KIAA0513: variants seen among roughly 807,000 people sequenced by gnomAD.
The protein encoded by KIAA0513 is uncharacterized protein KIAA0513.
In KIAA0513, 39 loss-of-function variants were observed where a neutral mutation model predicts 56.5. That is an observed-to-expected ratio of 0.69 (90% CI 0.53 to 0.90). The LOEUF is 0.90. Among genes scored for constraint, KIAA0513 ranks in the 40% least tolerant of loss-of-function variants. The pLI, the probability that KIAA0513 is intolerant of heterozygous loss-of-function variation, is 0.00. For missense variants in KIAA0513, 591 were observed against 535.2 expected (o/e 1.10, Z -1.03); for synonymous variants, 268 against 215.6 (o/e 1.24, Z -2.13).
intron 1 of KIAA0513, among the ~76,000 whole-genome samples, chr16:85,056,619 C>T (rs1031520993): frequency 6.6e-6 from 1 of 152,166 alleles, no homozygotes; most frequent in Admixed American, 6.5e-5. Context: ...TCTTGCATTC[C>T]TCCGGGCCGC....
chr16:85,055,276 T>C (rs536070438), intron 1 of KIAA0513, among the ~76,000 whole-genome samples: 34 of 151,900 alleles, frequency 2.2e-4, no homozygotes, highest in Non-Finnish European at 4.4e-4. Context: ...AGAAAAGGAG[T>C]GTCCACTCTT....
chr16:85,083,332 CTT>C (rs1399871261), intron 10 of KIAA0513, among the ~76,000 whole-genome samples: 1 of 152,122 alleles, frequency 6.6e-6, no homozygotes, highest in Non-Finnish European at 1.5e-5. Flanking sequence ...GACGATGGCT[CTT>C]TTGTTGGAGG....
intron 1 of KIAA0513, among the ~76,000 whole-genome samples, chr16:85,044,772 C>T (rs1454587678): frequency 3.3e-5 from 5 of 151,900 alleles, no homozygotes; most frequent in Non-Finnish European, 7.4e-5. Context: ...TCCCAAAGTG[C>T]TGGGATTACA....
chr16:85,032,987 A>G (rs1367466899), intron 1 of KIAA0513, among the ~76,000 whole-genome samples: 1 of 152,002 alleles, frequency 6.6e-6, no homozygotes, highest in Non-Finnish European at 1.5e-5. Context: ...ACCTCAGCAT[A>G]TCTTTTGGGT....
At chr16:85,071,475 C>T (rs991718157) in intron 2 of KIAA0513, among the ~76,000 whole-genome samples, 1 of 152,176 alleles carries the variant, frequency 6.6e-6, no homozygotes, top group East Asian at 1.9e-4. Context: ...TCAGACCTCC[C>T]CAGGCAGGGG....
intron 1 of KIAA0513, among the ~76,000 whole-genome samples, chr16:85,050,464 C>G (rs2073237124): frequency 6.6e-6 from 1 of 151,942 alleles, no homozygotes; most frequent in Non-Finnish European, 1.5e-5. Flanking sequence ...ATTCTCCTGC[C>G]TCAGCCTTGG....
At chr16:85,055,378 A>G (rs969609383) in intron 1 of KIAA0513, among the ~76,000 whole-genome samples, 1 of 152,232 alleles carries the variant, frequency 6.6e-6, no homozygotes, top group African/African-American at 2.4e-5. Context: ...AATAAGATGC[A>G]TTTTAGGATA....
chr16:85,088,638 A>G lies in KIAA0513; in HGVS notation c.*313A>G. ...GAGGAGGGGAAGGACTCCATGGGCC[A>G]TCGTGGGCCAAGGGCTGGCGAGGGT... On this transcript the variant is annotated 3_prime_UTR_variant, in exon 13 of 13. Coordinates refer to ENST00000683363, the MANE Select transcript of KIAA0513 (RefSeq NM_001388359.1). 3.1e-6 allele frequency: 1 copy of G among 326,532 alleles called. No individual in the cohort carries two copies. Among genetic ancestry groups the G allele is most frequent in the South Asian group, 5.9e-5 (1 of 16,918 alleles). 20.2% of individuals were successfully genotyped at this position (326,532 alleles called of 1,614,324 possible).
intron 1 of KIAA0513, among the ~76,000 whole-genome samples, chr16:85,050,870 A>G (rs1284598090): frequency 6.6e-6 from 1 of 152,208 alleles, no homozygotes; most frequent in East Asian, 1.9e-4. Flanking sequence ...AAATGGACCC[A>G]GTGGGCCAGG....
At chr16:85,060,398 G>C (rs1308731487) in intron 1 of KIAA0513, among the ~76,000 whole-genome samples, 2 of 152,218 alleles carry the variant, frequency 1.3e-5, no homozygotes, top group African/African-American at 4.8e-5. Context: ...CTCCCTCAGA[G>C]ACACAGGTGG....
intron 10 of KIAA0513, among the ~76,000 whole-genome samples, chr16:85,083,184 G>A (rs1192933789): frequency 2.0e-5 from 3 of 152,198 alleles, no homozygotes; most frequent in East Asian, 1.9e-4. Context: ...AGGGGCCCCC[G>A]AGGAAATCCG....
At chr16:85,070,934 A>G (rs1310819541) in intron 2 of KIAA0513, among the ~76,000 whole-genome samples, 2 of 152,250 alleles carry the variant, frequency 1.3e-5, no homozygotes, top group African/African-American at 2.4e-5. Flanking sequence ...CAAGCGTTCC[A>G]GAAATTACTG....
chr16:85,043,376 G>A (rs902621300), intron 1 of KIAA0513, among the ~76,000 whole-genome samples: 1 of 151,276 alleles, frequency 6.6e-6, no homozygotes, highest in Admixed American at 6.6e-5. Context: ...TGAGATGGCA[G>A]GGTTTGGAGC....
intron 1 of KIAA0513, among the ~76,000 whole-genome samples, chr16:85,064,848 C>T (rs963679350): frequency 6.6e-6 from 1 of 152,132 alleles, no homozygotes; most frequent in South Asian, 2.1e-4. Context: ...CCATGCCTGG[C>T]TAATTTTTGT....
intron 1 of KIAA0513, among the ~76,000 whole-genome samples, chr16:85,049,433 C>A (rs1322602471): frequency 6.6e-6 from 1 of 152,220 alleles, no homozygotes; most frequent in Non-Finnish European, 1.5e-5. Flanking sequence ...TGCGTCCCCA[C>A]CCAATCTCCT....
intron 5 of KIAA0513, among the ~76,000 whole-genome samples, chr16:85,077,031 C>A (rs554064654): frequency 9.2e-5 from 14 of 152,276 alleles, no homozygotes; most frequent in African/African-American, 2.4e-4. Flanking sequence ...CAGGCCCCCC[C>A]CCAACCCGGT....
chr16:85,042,858 A>C (rs1458245496), intron 1 of KIAA0513, among the ~76,000 whole-genome samples: 1 of 152,226 alleles, frequency 6.6e-6, no homozygotes, highest in African/African-American at 2.4e-5. Context: ...AGAGGCAGGC[A>C]GGCTTCTGAC....
chr16:85,050,350 TATTTA>T (rs769983954), intron 1 of KIAA0513, among the ~76,000 whole-genome samples: 18,635 of 131,688 alleles, frequency 0.14, 1,703 homozygotes, highest in African/African-American at 0.29. Flanking sequence ...TTTATTTATT[TATTTA>T]TTTATTTTTT....
rs1441463657 is a variant in KIAA0513, at chr16:85,081,582, C to G, written c.980+190C>G. ...CAGCTTCATGGGTGGGGGTGCTCAG[C>G]TTGCATGAGCGCTTTCTGTCCTGGG... On this transcript the variant is annotated intron_variant, in intron 9 of 12. Transcript: ENST00000683363. This position sits in a 1 kb window ranked among gnomAD's most constrained non-coding sequence, Gnocchi z 4.4. Among the ~76,000 whole-genome samples, 1 of 152,154 alleles carries G rather than the reference C, an allele frequency of 6.6e-6. No individual in the cohort carries two copies. The highest frequency in any genetic ancestry group is 2.4e-5 in the African/African-American group (1 of 41,420).
Sources: allele counts gnomAD v4.1 joint callset (sites outside exome capture counted in the v4.1 genomes callset), GRCh38; gene constraint gnomAD v4.1.1; non-coding constraint Gnocchi (gnomAD v3.1); transcripts MANE v1.5; gene names NCBI Gene and HGNC (gene_info 2026-07-23, HGNC 2026-07-21).